ADRA1A: variants seen among roughly 807,000 people sequenced by gnomAD.
ADRA1A encodes alpha-1A adrenergic receptor.
Under a neutral mutation model 29.6 loss-of-function variants are expected in ADRA1A, and 31 were observed. The ratio of observed to expected loss-of-function variants is 1.05; its 90% CI spans 0.79 to 1.41. The LOEUF is 1.41. Ranked by LOEUF, ADRA1A falls within the 40% of genes most tolerant of loss-of-function variation. The pLI, the probability that ADRA1A is intolerant of heterozygous loss-of-function variation, is 0.00. For missense variants in ADRA1A, 619 were observed against 601.1 expected, an observed-to-expected ratio of 1.03 and a Z score of -0.31; for synonymous variants, 311 against 254.3, an observed-to-expected ratio of 1.22 and a Z score of -2.12.
chr8:26,853,044 A>C (rs1298350106), intron 2 of ADRA1A, among the ~76,000 whole-genome samples: 1 of 152,214 alleles, frequency 6.6e-6, no homozygotes, highest in Non-Finnish European at 1.5e-5. Context: ...TCAATGAAAA[A>C]AGATTATATT....
In ADRA1A at chr8:26,823,229, C is replaced by G. The variant is rs1000234395; in HGVS notation, c.883+40858G>C. On this transcript the variant is annotated intron_variant, in intron 2 of 2. Transcript: ENST00000380573. This position sits in a 1 kb window ranked among gnomAD's most constrained non-coding sequence, Gnocchi z 4.2. ...GGCTAGCCTTTCTGCAAAGTGTGCT[C>G]TTGTCTGTGACACATGCTTCTTTGG... Among the ~76,000 whole-genome samples, 1 of 152,280 alleles carries G rather than the reference C, an allele frequency of 6.6e-6. No homozygotes were observed. The highest frequency in any genetic ancestry group is 1.9e-4 in the East Asian group (1 of 5,180).
intron 2 of ADRA1A, chr8:26,853,913 A>G (rs1812809486): frequency 6.6e-6 from 1 of 152,236 alleles, no homozygotes; most frequent in Non-Finnish European, 1.5e-5. Flanking sequence ...AGTGGAAAAG[A>G]TAGTTTTAAA....
At chr8:26,771,736 T>A (rs1806163447) in intron 2 of ADRA1A, 1 of 152,640 alleles carries the variant, frequency 6.6e-6, no homozygotes, top group South Asian at 2.1e-4. Flanking sequence ...AGGCCCTCAC[T>A]GCATCCAGCA....
chr8:26,828,084 G>A (rs1394482477), intron 2 of ADRA1A, among the ~76,000 whole-genome samples: 3 of 151,998 alleles, frequency 2.0e-5, no homozygotes, highest in African/African-American at 7.3e-5. Context: ...GGTAGAGACA[G>A]GGTTTTACCA....
downstream of ADRA1A, among the ~76,000 whole-genome samples, chr8:26,755,575 C>G (rs915504239): frequency 3.3e-5 from 5 of 152,176 alleles, no homozygotes; most frequent in African/African-American, 1.2e-4. Flanking sequence ...CAGATTCCTC[C>G]CTTCTTTGCC....
At chr8:26,826,249 G>C (rs1203717158) in intron 2 of ADRA1A, among the ~76,000 whole-genome samples, 1 of 152,160 alleles carries the variant, frequency 6.6e-6, no homozygotes, top group African/African-American at 2.4e-5. Context: ...ATTTCCAGTG[G>C]ATAGTTGGGT....
At chr8:26,845,777 CAT>C (rs1162011126) in intron 2 of ADRA1A, among the ~76,000 whole-genome samples, 1 of 152,150 alleles carries the variant, frequency 6.6e-6, no homozygotes, top group Non-Finnish European at 1.5e-5. Context: ...AGTCCTGAAA[CAT>C]ACCATAACAT....
chr8:26,852,902 G>A (rs989359135), intron 2 of ADRA1A, among the ~76,000 whole-genome samples: 1 of 152,072 alleles, frequency 6.6e-6, no homozygotes, highest in Non-Finnish European at 1.5e-5. Flanking sequence ...AAACACAGAT[G>A]CAAATGAGAA....
intron 2 of ADRA1A, among the ~76,000 whole-genome samples, chr8:26,843,068 T>G (rs1332687117): frequency 1.3e-5 from 2 of 152,194 alleles, no homozygotes; most frequent in Admixed American, 6.5e-5. Context: ...AATTAAGACC[T>G]GCCTGGCATA....
intron 2 of ADRA1A, among the ~76,000 whole-genome samples, chr8:26,817,217 T>A (rs988665723): frequency 6.6e-6 from 1 of 152,056 alleles, no homozygotes; most frequent in African/African-American, 2.4e-5. Context: ...AAAAATAGAA[T>A]TGAAATAAAT....
chr8:26,865,536 G>A lies in ADRA1A; in HGVS notation c.-567C>T, dbSNP rs1813847584. ...CCTGGCCCGCAGTTACCTACATTTT[G>A]AGCTGCCCCACCGAAGGCTCCTGCT... On this transcript the variant is annotated 5_prime_UTR_variant, in exon 2 of 3. Coordinates refer to ENST00000380573, the MANE Select transcript of ADRA1A (RefSeq NM_000680.4). The surrounding 1 kb of genome is among the most constrained non-coding windows in gnomAD (Gnocchi z 7.6). 1 of 992,344 alleles carries A rather than the reference G, an allele frequency of 1.0e-6. No homozygotes were observed. Among genetic ancestry groups the A allele is most frequent in the Non-Finnish European group, 1.2e-6 (1 of 834,352 alleles). 61.5% of individuals were successfully genotyped at this position (992,344 alleles called of 1,614,324 possible). A position where few individuals can be genotyped will look rare whatever the true frequency, so the allele number is the denominator to read the frequency against.
chr8:26,798,210 C>T (rs923034282), intron 2 of ADRA1A, among the ~76,000 whole-genome samples: 2 of 152,156 alleles, frequency 1.3e-5, no homozygotes, highest in African/African-American at 4.8e-5. Context: ...AACTCCTGAC[C>T]TCAAGTGATC....
intron 2 of ADRA1A, among the ~76,000 whole-genome samples, chr8:26,845,904 C>A (rs990182677): frequency 6.6e-6 from 1 of 152,114 alleles, no homozygotes; most frequent in Non-Finnish European, 1.5e-5. Context: ...TTGATGGCTG[C>A]CAGGCACTTG....
chr8:26,749,437 A>T (rs1414466622), intron 2 of ADRA1A, among the ~76,000 whole-genome samples: 1 of 151,966 alleles, frequency 6.6e-6, no homozygotes, highest in Admixed American at 6.5e-5. Context: ...TTAGCTTCAT[A>T]GAGTAAGCCT....
At chr8:26,802,067 A>C (rs1808622218) in intron 2 of ADRA1A, among the ~76,000 whole-genome samples, 1 of 152,218 alleles carries the variant, frequency 6.6e-6, no homozygotes, top group Non-Finnish European at 1.5e-5. Context: ...CCAGACCCTT[A>C]TCTCTTGCAA....
intron 2 of ADRA1A, among the ~76,000 whole-genome samples, chr8:26,802,210 A>G (rs183372077): frequency 6.6e-6 from 1 of 152,306 alleles, no homozygotes; most frequent in Non-Finnish European, 1.5e-5. Flanking sequence ...ACCAAAGCAA[A>G]AAAAACGGAC....
At chr8:26,835,320 T>C (rs182541929) in intron 2 of ADRA1A, among the ~76,000 whole-genome samples, 4 of 152,326 alleles carry the variant, frequency 2.6e-5, no homozygotes, top group African/African-American at 4.8e-5. Context: ...GTTGGGGCAG[T>C]TTTTACAAAC....
intron 2 of ADRA1A, among the ~76,000 whole-genome samples, chr8:26,816,129 G>A (rs1266332167): frequency 6.6e-6 from 1 of 152,174 alleles, no homozygotes; most frequent in Non-Finnish European, 1.5e-5. Flanking sequence ...GGGAGGAGCA[G>A]CCCTACAGGA....
chr8:26,824,781 T>C (rs567158310), intron 2 of ADRA1A, among the ~76,000 whole-genome samples: 1 of 152,288 alleles, frequency 6.6e-6, no homozygotes, highest in African/African-American at 2.4e-5. Flanking sequence ...ATAGCATCAT[T>C]TCATTTCCTC....
Sources: allele counts gnomAD v4.1 joint callset (sites outside exome capture counted in the v4.1 genomes callset), GRCh38; gene constraint gnomAD v4.1.1; non-coding constraint Gnocchi (gnomAD v3.1); transcripts MANE v1.5; gene names NCBI Gene and HGNC (gene_info 2026-07-23, HGNC 2026-07-21).